Variants in CCDC122 observed in about 807,000 individuals in gnomAD.
The protein encoded by CCDC122 is coiled-coil domain containing 122, also known as coiled-coil domain-containing protein 122.
Under a neutral mutation model 37.0 loss-of-function variants are expected in CCDC122, and 38 were observed. The observed-to-expected ratio is 1.03, with a 90% confidence interval of 0.79 to 1.35. The LOEUF (loss-of-function observed/expected upper bound fraction) is 1.35, where lower values mean the gene tolerates loss of function less well. Ranked by LOEUF, CCDC122 falls within the 40% of genes most tolerant of loss-of-function variation. The pLI is 0.00. For missense variants in CCDC122, 305 were observed against 310.0 expected, an observed-to-expected ratio of 0.98 and a Z score of 0.12; for synonymous variants, 83 against 95.6, an observed-to-expected ratio of 0.87 and a Z score of 0.77.
downstream of CCDC122, among the ~76,000 whole-genome samples, chr13:43,820,697 A>G (rs1952986970): frequency 6.6e-6 from 1 of 152,168 alleles, no homozygotes; most frequent in African/African-American, 2.4e-5. Context: ...TCTTCTATGA[A>G]CCATGTTTCC....
chr13:43,848,312 A>G (rs1351281725), intron 6 of CCDC122, among the ~76,000 whole-genome samples: 1 of 152,236 alleles, frequency 6.6e-6, no homozygotes, highest in Non-Finnish European at 1.5e-5. Context: ...TGCTTTACAC[A>G]ATGTCTGTTA....
intron 6 of CCDC122, chr13:43,848,900 C>G (rs1190436915): frequency 1.0e-6 from 1 of 980,906 alleles, no homozygotes; most frequent in South Asian, 4.7e-5. Context: ...AAAAAAGACT[C>G]CAAAAAGAAG....
In CCDC122 at chr13:43,859,882, T is replaced by C. The variant is rs1440274974; in HGVS notation, c.345A>G (p.Gln115=). The C allele has an allele frequency of 1.2e-6, 2 of 1,605,654 alleles. No individual in the cohort carries two copies. Among genetic ancestry groups the C allele is most frequent in the Admixed American group, 1.7e-5 (1 of 58,572 alleles). Residue 115 remains glutamine (Q), a synonymous_variant, in exon 5 of 7, where the codon CAA becomes CAG. Coordinates refer to ENST00000444614, the MANE Select transcript of CCDC122 (RefSeq NM_144974.5). ...TTATCATGTGTTCCTCAAAATCTTC[T>C]TGGGCTGTTTCTATGTCAAATTTAA... ...VKLKFDIETA[Q]EDFEEHMIKY... is the part of the protein sequence containing the mutation.
At chr13:43,827,404 C>T (rs1046530989) in intron 3 of CCDC122, among the ~76,000 whole-genome samples, 8 of 152,160 alleles carry the variant, frequency 5.3e-5, no homozygotes, top group African/African-American at 1.9e-4. Flanking sequence ...GCTAGACTGT[C>T]CATAATGAAG....
chr13:43,855,742 C>T (rs1953888038), intron 6 of CCDC122: 1 of 152,024 alleles, frequency 6.6e-6, no homozygotes, highest in African/African-American at 2.4e-5. Flanking sequence ...AAAAAGAACA[C>T]TTATTATACA....
At chr13:43,849,474 A>C (rs535052751) in intron 6 of CCDC122, among the ~76,000 whole-genome samples, 1 of 152,360 alleles carries the variant, frequency 6.6e-6, no homozygotes, top group South Asian at 2.1e-4. Flanking sequence ...GTTGGAGAGA[A>C]GAAGGCAAAC....
rs74556556 is a variant in CCDC122 at position 43,844,841 on chromosome 13, C to G, written c.673-7412G>C. On this transcript the variant is annotated intron_variant, in intron 6 of 6. Transcript: ENST00000444614. ...CTTTTTCCTTTTTTTAACTTTCAAA[C>G]TATGTGTGGCTTTATATTAAAAGTG... 8.7e-4 allele frequency among the ~76,000 whole-genome samples: 133 copies of G among 152,140 alleles called. No homozygotes were observed. The East Asian group carries it at 0.021, about 24-fold the overall frequency.
In CCDC122 at chr13:43,837,282, A is replaced by T; in HGVS notation, c.820T>A (p.Ter274LysextTer21). The change falls in exon 7 of 7, where the codon TAA (stop) becomes AAA (lysine). Residue 274 changes from the stop codon to lysine (K), a stop_lost. Transcript: ENST00000444614. The stretch of plus-strand genomic sequence containing the variant: ...TTCCACATTGCCCTATGGCAATGTT[A>T]CTCTTGCATTCCAATGCATTTTCTT... ...ELRKCIGMQE[*>K] 1.2e-6 allele frequency: 2 copies of T among 1,613,374 alleles called. No individual in the cohort carries two copies. Among genetic ancestry groups the T allele is most frequent in the Non-Finnish European group, 1.7e-6 (2 of 1,179,778 alleles).
intron 3 of CCDC122, among the ~76,000 whole-genome samples, chr13:43,826,531 CT>C (rs1287309782): frequency 6.6e-6 from 1 of 152,206 alleles, no homozygotes; most frequent in East Asian, 1.9e-4. Context: ...TGGGAAACAT[CT>C]TAATGAAAGC....
rs139936580 is a variant in CCDC122 at position 43,859,910 on chromosome 13, T to A, written c.317A>T (p.Lys106Met). ...QIKSLHSENVKLKFDIETAQE... is the reference protein window; with the variant it reads ...QIKSLHSENVMLKFDIETAQE... Reference sequence around the variant, plus strand: ...GGCTGTTTCTATGTCAAATTTAAGCTTTACATTTTCTGAATGTAAGGATTT... The same window carrying A: ...GGCTGTTTCTATGTCAAATTTAAGCATTACATTTTCTGAATGTAAGGATTT... The change falls in exon 5 of 7, where the codon AAG (lysine) becomes ATG (methionine). Residue 106 changes from lysine to methionine, a missense_variant. Coordinates refer to ENST00000444614, the MANE Select transcript of CCDC122 (RefSeq NM_144974.5). 4.3e-6 allele frequency: 7 copies of A among 1,610,288 alleles called. No homozygotes were observed. In the African/African-American group the frequency reaches 9.4e-5, roughly 22 times the overall value.
chr13:43,858,356 T>C (rs1242442151), intron 6 of CCDC122: 2 of 152,310 alleles, frequency 1.3e-5, no homozygotes, highest in African/African-American at 4.8e-5. Context: ...AACTTGACTC[T>C]TGATAATTGC....
intron 3 of CCDC122, among the ~76,000 whole-genome samples, chr13:43,828,555 TACACACAC>T (rs56901535): frequency 0.088 from 12,907 of 146,072 alleles, 929 homozygotes; most frequent in African/African-American, 0.2. Context: ...TATAGACAGA[TACACACAC>T]ACACACACAC....
At chr13:43,849,473 A>C (rs1474904077) in intron 6 of CCDC122, among the ~76,000 whole-genome samples, 1 of 152,216 alleles carries the variant, frequency 6.6e-6, no homozygotes. Flanking sequence ...AGTTGGAGAG[A>C]AGAAGGCAAA....
chr13:43,848,956 G>A (rs777426129), intron 6 of CCDC122: 45 of 963,380 alleles, frequency 4.7e-5, no homozygotes, highest in Non-Finnish European at 5.3e-5. Context: ...CTAAAAACTG[G>A]TTGTTTTGAG....
At chr13:43,858,695 G>A in intron 6 of CCDC122, 86 bp downstream of exon 6, 1 of 959,252 alleles carries the variant, frequency 1.0e-6, no homozygotes, top group Non-Finnish European at 1.4e-6. Context: ...TTTGAGTATT[G>A]AGAGTAAACT....
In CCDC122 at chr13:43,836,895, AT is replaced by A. The variant is rs1387843559; in HGVS notation, c.*384del. ...AAAAAAAAGTTCGAAACAGACAAAC[AT>A]TTTAAAAATCTTAACAATTTAAATC... On this transcript the variant is annotated 3_prime_UTR_variant, in exon 7 of 7. Coordinates refer to ENST00000444614, the MANE Select transcript of CCDC122 (RefSeq NM_144974.5). 6.5e-6 allele frequency: 1 copy of A among 153,032 alleles called. No individual in the cohort carries two copies. The highest frequency in any genetic ancestry group is 1.5e-5 in the Non-Finnish European group (1 of 68,806). 9.5% of individuals were successfully genotyped at this position (153,032 alleles called of 1,614,324 possible).
chr13:43,827,786 C>T (rs1344839360), intron 3 of CCDC122, among the ~76,000 whole-genome samples: 1 of 152,072 alleles, frequency 6.6e-6, no homozygotes, highest in East Asian at 1.9e-4. Context: ...AGGGATGGCT[C>T]TACTTCTAAA....
chr13:43,866,248 CA>C (rs1954273605), intron 4 of CCDC122, among the ~76,000 whole-genome samples: 2 of 152,126 alleles, frequency 1.3e-5, no homozygotes, highest in Non-Finnish European at 2.9e-5. Flanking sequence ...ACTGCAAAAA[CA>C]AAACTGCAAA....
At chr13:43,864,025 T>G (rs576463600) in intron 4 of CCDC122, among the ~76,000 whole-genome samples, 2 of 152,318 alleles carry the variant, frequency 1.3e-5, no homozygotes, top group Non-Finnish European at 2.9e-5. Context: ...TGTATATGGT[T>G]TGAGGTGAAA....
Sources: allele counts gnomAD v4.1 joint callset (sites outside exome capture counted in the v4.1 genomes callset), GRCh38; gene constraint gnomAD v4.1.1; transcripts MANE v1.5; gene names NCBI Gene and HGNC (gene_info 2026-07-23, HGNC 2026-07-21).